The following MON2 variants were observed in gnomAD, a reference collection of about 807,000 sequenced individuals.
The protein encoded by MON2 is protein MON2 homolog.
A neutral mutation model predicts 208.6 loss-of-function variants in MON2; 84 were observed. That is an observed-to-expected ratio of 0.40 (90% confidence interval 0.34 to 0.48). The LOEUF (loss-of-function observed/expected upper bound fraction) is 0.48, where lower values mean the gene tolerates loss of function less well. Among genes scored for constraint, MON2 ranks in the 20% least tolerant of loss-of-function variants. The pLI is 0.59. For missense variants in MON2, 1,611 were observed against 2,015.4 expected (o/e 0.80, Z 3.84); for synonymous variants, 660 against 694.0 (o/e 0.95, Z 0.77).
chr12:62,538,550 T>C (rs141807326), intron 19 of MON2, 45 bp downstream of exon 19: 5 of 1,238,296 alleles, frequency 4.0e-6, no homozygotes, highest in African/African-American at 3.0e-5. Flanking sequence ...ACATTAGTTA[T>C]ATAAGATGTA....
chr12:62,473,816 C>T (rs570948563), intron 1 of MON2, among the ~76,000 whole-genome samples: 15 of 152,182 alleles, frequency 9.9e-5, no homozygotes, highest in African/African-American at 1.7e-4. Context: ...AGCAATCCAC[C>T]TGCCTCAGCC....
At chr12:62,529,385 T>A (rs2136204686) in intron 11 of MON2, among the ~76,000 whole-genome samples, 1 of 152,294 alleles carries the variant, frequency 6.6e-6, no homozygotes, top group East Asian at 1.9e-4. Flanking sequence ...AGTCCCAGGC[T>A]AAGAGTATTT....
At chr12:62,529,571 A>C (rs1466308190) in intron 11 of MON2, among the ~76,000 whole-genome samples, 1 of 152,114 alleles carries the variant, frequency 6.6e-6, no homozygotes, top group African/African-American at 2.4e-5. Context: ...GAGATAATTC[A>C]TATCTCATGA....
At chr12:62,565,479 A>C in intron 27 of MON2, 99 bp downstream of exon 27, 7 of 1,029,748 alleles carry the variant, frequency 6.8e-6, no homozygotes, top group Non-Finnish European at 6.9e-6. Context: ...GGAAAAGGAT[A>C]CTTTTCACTC....
chr12:62,590,687 C>G (rs985815651), intron 34 of MON2, among the ~76,000 whole-genome samples: 6 of 152,170 alleles, frequency 3.9e-5, no homozygotes, highest in Non-Finnish European at 7.4e-5. Context: ...ATTTTGTACA[C>G]AAATGAATAT....
Position 62,498,947 on chromosome 12 carries a change from T to G in MON2, c.464T>G (p.Phe155Cys). Residue 155 changes from phenylalanine to cysteine, a missense_variant, in exon 5 of 35, where the codon TTC becomes TGC. Transcript: ENST00000393630. ...ATCGTTCTTTGTTTTCGACTACACT[T>G]CACAAAAGATAATATTACAAATAAT... ...KAIVLCFRLHFTKDNITNNTA... is the reference protein window; with the variant it reads ...KAIVLCFRLHCTKDNITNNTA... 1 of 1,609,456 alleles carries G rather than the reference T, an allele frequency of 6.2e-7. No individual in the cohort carries two copies. The highest frequency in any genetic ancestry group is 8.5e-7 in the Non-Finnish European group (1 of 1,178,330).
At chr12:62,485,501 C>A (rs1034728179) in intron 2 of MON2, among the ~76,000 whole-genome samples, 2 of 152,202 alleles carry the variant, frequency 1.3e-5, no homozygotes, top group Non-Finnish European at 2.9e-5. Flanking sequence ...AGCATAAGCG[C>A]TCCTCAATTA....
At position 62,498,818 on chromosome 12, in the gene MON2, T is replaced by C. The variant is rs2070680896; in HGVS notation, c.436-101T>C. 4.8e-6 allele frequency: 6 copies of C among 1,241,136 alleles called. No individual in the cohort carries two copies. In the South Asian group the frequency reaches 7.4e-5, roughly 15 times the overall value. The allele number at this position is 1,241,136 out of a possible 1,614,324, so 76.9% of individuals were successfully genotyped here. Reference sequence around the variant, plus strand: ...TATTTTATTGTAAATGGTGGGACTTTCCATAATGGTGATTGAAACAACCAA... The same window carrying C: ...TATTTTATTGTAAATGGTGGGACTTCCCATAATGGTGATTGAAACAACCAA... On this transcript the variant is annotated intron_variant, in intron 4 of 34. Transcript: ENST00000393630.
intron 1 of MON2, among the ~76,000 whole-genome samples, chr12:62,480,593 T>G (rs1318604664): frequency 6.6e-6 from 1 of 152,162 alleles, no homozygotes; most frequent in Non-Finnish European, 1.5e-5. Flanking sequence ...TCCTTTTCCT[T>G]CTCCTTATTG....
chr12:62,582,275 A>C (rs953683680), intron 32 of MON2, among the ~76,000 whole-genome samples: 1 of 152,224 alleles, frequency 6.6e-6, no homozygotes, highest in Non-Finnish European at 1.5e-5. Context: ...TGCTATGTAT[A>C]GTATTAAATT....
intron 8 of MON2, among the ~76,000 whole-genome samples, chr12:62,521,130 C>A (rs1344596266): frequency 6.6e-6 from 1 of 151,790 alleles, no homozygotes; most frequent in East Asian, 1.9e-4. Flanking sequence ...CTCAGCCTCC[C>A]AAGTAGCTGG....
intron 2 of MON2, among the ~76,000 whole-genome samples, chr12:62,492,170 A>G (rs945992715): frequency 2.0e-5 from 3 of 152,236 alleles, no homozygotes; most frequent in African/African-American, 7.2e-5. Context: ...TTAATTTACC[A>G]TACCATAAAG....
chr12:62,486,080 G>A (rs1371231111), intron 2 of MON2, among the ~76,000 whole-genome samples: 1 of 152,078 alleles, frequency 6.6e-6, no homozygotes, highest in African/African-American at 2.4e-5. Context: ...GAAAAATGAT[G>A]ACCTGGATAT....
rs2075439440 is a variant in MON2, at chr12:62,592,795, T to G, written c.*46T>G. ...AGCAGGAAGATAGTCTAAAAAATGTTTGCTCCTAATTGAGTCTTCTGTGAG... is the reference window on the plus strand; with the variant it reads ...AGCAGGAAGATAGTCTAAAAAATGTGTGCTCCTAATTGAGTCTTCTGTGAG... On this transcript the variant is annotated 3_prime_UTR_variant, in exon 35 of 35. Transcript: ENST00000393630. 1 of 1,488,710 alleles carries G rather than the reference T, an allele frequency of 6.7e-7. No homozygotes were observed. The highest frequency in any genetic ancestry group is 9.1e-7 in the Non-Finnish European group (1 of 1,096,524). 92.2% of individuals were successfully genotyped at this position (1,488,710 alleles called of 1,614,324 possible).
intron 2 of MON2, among the ~76,000 whole-genome samples, chr12:62,492,367 T>C (rs1007587393): frequency 1.4e-5 from 2 of 141,366 alleles, no homozygotes; most frequent in Non-Finnish European, 3.1e-5. Flanking sequence ...TAGTTCTTTT[T>C]TTTTTTTTTT....
chr12:62,470,764 G>A, intron 1 of MON2: 1 of 1,095,168 alleles, frequency 9.1e-7, no homozygotes, highest in South Asian at 2.2e-5. Context: ...CCTAGCAGAG[G>A]AAATAGCACA....
At chr12:62,543,493 C>A (rs2073333615) in intron 20 of MON2, among the ~76,000 whole-genome samples, 1 of 152,178 alleles carries the variant, frequency 6.6e-6, no homozygotes. Context: ...TCTCTTGATC[C>A]ACCTCACCTC....
intron 1 of MON2, among the ~76,000 whole-genome samples, chr12:62,482,160 A>G (rs1327729860): frequency 5.9e-5 from 9 of 152,222 alleles, no homozygotes; most frequent in Admixed American, 1.3e-4. Context: ...GCTGGTGGGT[A>G]CATCTCTGGG....
intron 32 of MON2, among the ~76,000 whole-genome samples, chr12:62,582,890 A>G (rs940542603): frequency 2.0e-5 from 3 of 152,228 alleles, no homozygotes; most frequent in Admixed American, 2.0e-4. Context: ...CTCTAACACC[A>G]AAGAGAAAGA....
Sources: allele counts gnomAD v4.1 joint callset (sites outside exome capture counted in the v4.1 genomes callset), GRCh38; gene constraint gnomAD v4.1.1; transcripts MANE v1.5; gene names NCBI Gene and HGNC (gene_info 2026-07-23, HGNC 2026-07-21).